RSPH1: variants seen among roughly 807,000 people sequenced by gnomAD.
RSPH1 encodes radial spoke head 1 homolog.
Under a neutral mutation model 44.2 loss-of-function variants are expected in RSPH1, and 32 were observed. That is an observed-to-expected ratio of 0.72 (90% CI 0.55 to 0.97). The LOEUF (loss-of-function observed/expected upper bound fraction) is 0.97, where lower values mean the gene tolerates loss of function less well. RSPH1 is among the 50% of genes least tolerant of loss of function. The probability of loss-of-function intolerance (pLI) is 0.00; values close to 1 mark genes in which losing one functional copy is unlikely to be tolerated. For synonymous variants in RSPH1, 134 were observed against 147.3 expected, an observed-to-expected ratio of 0.91 and a Z score of 0.65; for missense variants, 391 against 398.7, an observed-to-expected ratio of 0.98 and a Z score of 0.16.
intron 3 of RSPH1, among the ~76,000 whole-genome samples, chr21:42,489,856 C>T (rs2054218488): frequency 6.6e-6 from 1 of 152,210 alleles, no homozygotes; most frequent in Non-Finnish European, 1.5e-5. Context: ...TCCCAACAGT[C>T]AAGTGCTCAT....
chr21:42,489,936 C>T (rs1430308080), intron 3 of RSPH1, among the ~76,000 whole-genome samples: 1 of 152,228 alleles, frequency 6.6e-6, no homozygotes, highest in Admixed American at 6.5e-5. Context: ...ATTCTTCTTT[C>T]TCCACAATGT....
chr21:42,487,810 T>C (rs1257325383), intron 3 of RSPH1, among the ~76,000 whole-genome samples: 1 of 152,224 alleles, frequency 6.6e-6, no homozygotes, highest in Non-Finnish European at 1.5e-5. Flanking sequence ...TTTATGTGAA[T>C]AACCCCAAAA....
In RSPH1 at chr21:42,485,899, G is replaced by C. The variant is rs150483282; in HGVS notation, c.366-95C>G. The C allele has an allele frequency of 2.0e-6, 3 of 1,474,994 alleles. No individual in the cohort carries two copies. The African/African-American group carries it at 4.1e-5, about 20-fold the overall frequency. The allele number at this position is 1,474,994 out of a possible 1,614,324, so 91.4% of individuals were successfully genotyped here. A position where few individuals can be genotyped will look rare whatever the true frequency, so the allele number is the denominator to read the frequency against. ...GACATTGACATTGAGGGAGGCCCAG[G>C]CTGTTGCAGGCTCACAAGCGATGTA... On this transcript the variant is annotated intron_variant, in intron 4 of 8. Transcript: ENST00000291536.
In RSPH1 at chr21:42,475,971, A is replaced by G; in HGVS notation, c.804T>C (p.Asp268=). The change falls in exon 8 of 9, where the codon GAT becomes GAC. Residue 268 remains aspartate (D), a synonymous_variant. Coordinates refer to ENST00000291536, the MANE Select transcript of RSPH1 (RefSeq NM_080860.4). ...CTTCCCGGAGGACGTCTGCATCTTC[A>G]TCTCCAGGCCTCATGTCCATCTCAC... The part of the protein sequence containing the change: ...FEGEMDMRPG[D]EDADVLREES... 1.9e-6 allele frequency: 3 copies of G among 1,612,302 alleles called. No homozygotes were observed. Among genetic ancestry groups the G allele is most frequent in the East Asian group, 4.5e-5 (2 of 44,694 alleles).
intron 5 of RSPH1, among the ~76,000 whole-genome samples, chr21:42,483,237 ATTT>A (rs200249424): frequency 1.4e-5 from 2 of 141,792 alleles, no homozygotes. Flanking sequence ...TGGGATACTG[ATTT>A]TTTTTTTTTT....
chr21:42,486,472 C>G lies in RSPH1; in HGVS notation c.275-11G>C. ...CATTTGCCCACTCTCCTGAAAGGAA[C>G]AACACAAAGGCAAGCCCAGGTGAGA... On this transcript the variant is annotated splice_polypyrimidine_tract_variant and intron_variant, in intron 3 of 8. Coordinates refer to ENST00000291536, the MANE Select transcript of RSPH1 (RefSeq NM_080860.4). 4 of 1,606,944 alleles carry G rather than the reference C, an allele frequency of 2.5e-6. No homozygotes were observed. The highest frequency in any genetic ancestry group is 1.1e-5 in the South Asian group (1 of 90,936).
intron 6 of RSPH1, among the ~76,000 whole-genome samples, chr21:42,480,080 G>A (rs537497165): frequency 1.2e-4 from 19 of 152,330 alleles, no homozygotes; most frequent in Middle Eastern, 3.4e-3. Flanking sequence ...TGGACCATGA[G>A]CAACCATGGG....
chr21:42,480,860 G>A (rs2054121300), intron 6 of RSPH1, among the ~76,000 whole-genome samples: 1 of 152,108 alleles, frequency 6.6e-6, no homozygotes, highest in Admixed American at 6.5e-5. Flanking sequence ...CCACAGTGTG[G>A]CTTCTACCTC....
chr21:42,478,433 A>G (rs1362378916), intron 6 of RSPH1, among the ~76,000 whole-genome samples: 1 of 152,230 alleles, frequency 6.6e-6, no homozygotes, highest in African/African-American at 2.4e-5. Flanking sequence ...ATTAAAAGAC[A>G]GATTGCTAGC....
chr21:42,491,791 T>C lies in RSPH1; in HGVS notation c.274+967A>G, dbSNP rs116649941. Reference sequence around the variant, plus strand: ...CAAAGCAAGCAACTATAGCTCGCACTTTGTAAGAATATGTCCTCCTCACTA... The same window carrying C: ...CAAAGCAAGCAACTATAGCTCGCACCTTGTAAGAATATGTCCTCCTCACTA... On this transcript the variant is annotated intron_variant, in intron 3 of 8. Coordinates refer to ENST00000291536, the MANE Select transcript of RSPH1 (RefSeq NM_080860.4). Among the ~76,000 whole-genome samples the C allele has an allele frequency of 2.7e-3, 411 of 152,312 alleles. 2 individuals are homozygous for C. Among genetic ancestry groups the C allele is most frequent in the African/African-American group, 9.4e-3 (392 of 41,564 alleles).
intron 4 of RSPH1, 23 bp downstream of exon 4, chr21:42,486,348 A>G: frequency 6.5e-7 from 1 of 1,527,674 alleles, no homozygotes; most frequent in Non-Finnish European, 9.1e-7. Flanking sequence ...AAATCCCGTT[A>G]AGACCCAAGA....
intron 8 of RSPH1, among the ~76,000 whole-genome samples, chr21:42,473,896 G>A (rs758917461): frequency 6.6e-6 from 1 of 152,076 alleles, no homozygotes; most frequent in Non-Finnish European, 1.5e-5. Flanking sequence ...ATTGCCAAAT[G>A]TCCCCTGGAG....
chr21:42,477,470 T>C (rs1461677065), intron 6 of RSPH1, 26 bp from the exon 7 acceptor site: 4 of 1,608,442 alleles, frequency 2.5e-6, no homozygotes, highest in Non-Finnish European at 3.4e-6. Flanking sequence ...AAATGTACAT[T>C]TACCAACATT....
At chr21:42,490,527 TC>T (rs2054225965) in intron 3 of RSPH1, among the ~76,000 whole-genome samples, 1 of 152,240 alleles carries the variant, frequency 6.6e-6, no homozygotes, top group Non-Finnish European at 1.5e-5. Context: ...TAAGCTTTTG[TC>T]AGAGAAGAAA....
Position 42,486,379 on chromosome 21 carries a change from A to G in RSPH1, c.357T>C (p.Ala119=). ...NNDTYTGEWF[A]HQRHGQGTYL... is the part of the protein sequence containing the mutation. Reference sequence around the variant, plus strand: ...CAAGATAGAAACCGAACCTTTGATGAGCAAACCACTCTCCAGTGTAGGTGT... The same window carrying G: ...CAAGATAGAAACCGAACCTTTGATGGGCAAACCACTCTCCAGTGTAGGTGT... Residue 119 remains alanine (A), a synonymous_variant, in exon 4 of 9, where the codon GCT becomes GCC. Coordinates refer to ENST00000291536, the MANE Select transcript of RSPH1 (RefSeq NM_080860.4). The G allele has an allele frequency of 6.2e-7, 1 of 1,612,982 alleles. No individual in the cohort carries two copies.
In RSPH1 at chr21:42,482,699, G is replaced by A. The variant is rs1430093841; in HGVS notation, c.511C>T (p.Pro171Ser). The A allele has an allele frequency of 6.2e-7, 1 of 1,612,154 alleles. No individual in the cohort carries two copies. Among genetic ancestry groups the A allele is most frequent in the Admixed American group, 1.7e-5 (1 of 59,752 alleles). ...GKFLNKNPVG[P>S]GKYVFDVGCE... is the part of the protein sequence containing the mutation. Reference sequence around the variant, plus strand: ...CCAACATCAAATACATACTTTCCAGGGCCAACAGGCTACGAGCAAAGAGAA... The same window carrying A: ...CCAACATCAAATACATACTTTCCAGAGCCAACAGGCTACGAGCAAAGAGAA... Residue 171 changes from proline to serine, a missense_variant, in exon 6 of 9, where the codon CCT (proline) becomes TCT (serine). Transcript: ENST00000291536.
At chr21:42,482,528 A>G in intron 6 of RSPH1, 109 bp downstream of exon 6, 1 of 711,932 alleles carries the variant, frequency 1.4e-6, no homozygotes, top group Non-Finnish European at 2.4e-6. Context: ...AAAGTGCCTA[A>G]GAGTTGGCAT....
chr21:42,494,893 T>C (rs2054272237), intron 1 of RSPH1, among the ~76,000 whole-genome samples: 1 of 151,884 alleles, frequency 6.6e-6, no homozygotes, highest in African/African-American at 2.4e-5. Context: ...AGAGACAGGG[T>C]TTCACCGTGT....
chr21:42,482,662 T>A lies in RSPH1; in HGVS notation c.548A>T (p.His183Leu). Residue 183 changes from histidine to leucine, a missense_variant, in exon 6 of 9, where the codon CAT becomes CTT. Physicochemically the swap from His to Leu is moderately conservative, Grantham distance 99. Transcript: ENST00000291536. ...CATATCTGTTAAACGATATTCACCA[T>A]GTTGTTCACACCCAACATCAAATAC... ...KYVFDVGCEQ[H>L]GEYRLTDMER... 6.2e-7 allele frequency: 1 copy of A among 1,613,484 alleles called. No homozygotes were observed. Among genetic ancestry groups the A allele is most frequent in the Non-Finnish European group, 8.5e-7 (1 of 1,179,710 alleles).
Sources: gnomAD v4.1 joint callset for allele counts (sites outside exome capture counted in the v4.1 genomes callset) on GRCh38, gnomAD v4.1.1 for gene constraint, MANE v1.5 for transcripts, NCBI Gene and HGNC (gene_info 2026-07-23, HGNC 2026-07-21) for gene names.